Variants in DCC observed in about 807,000 individuals in gnomAD.
DCC encodes DCC netrin 1 receptor, also known as netrin receptor DCC.
In DCC, 58 loss-of-function variants were observed where a neutral mutation model predicts 172.5. The observed-to-expected ratio is 0.34, with a 90% CI of 0.27 to 0.42. DCC has a LOEUF of 0.42. Among genes scored for constraint, DCC ranks in the 10% least tolerant of loss-of-function variants. The probability of loss-of-function intolerance (pLI) is 1.00; values close to 1 mark genes in which losing one functional copy is unlikely to be tolerated. For missense variants in DCC, 1,740 were observed against 1,791.0 expected (o/e 0.97, Z 0.51); for synonymous variants, 709 against 644.5 (o/e 1.10, Z -1.52).
chr18:53,014,279 G>A (rs1181070250), intron 5 of DCC, among the ~76,000 whole-genome samples: 1 of 152,098 alleles, frequency 6.6e-6, no homozygotes, highest in Non-Finnish European at 1.5e-5. Context: ...GGAACATATG[G>A]ATAATTATTT....
chr18:52,638,322 T>G (rs2034821699), intron 1 of DCC, among the ~76,000 whole-genome samples: 1 of 151,756 alleles, frequency 6.6e-6, no homozygotes, highest in African/African-American at 2.4e-5. Context: ...GCATGATGAA[T>G]GCAATGGTAC....
At chr18:52,861,752 C>T (rs938503319) in intron 2 of DCC, among the ~76,000 whole-genome samples, 23 of 152,094 alleles carry the variant, frequency 1.5e-4, no homozygotes, top group South Asian at 2.1e-4. Flanking sequence ...TTTATGATTA[C>T]GTCAGCTTTT....
chr18:52,931,528 T>C (rs2145503150), intron 5 of DCC, among the ~76,000 whole-genome samples: 1 of 152,248 alleles, frequency 6.6e-6, no homozygotes, highest in East Asian at 1.9e-4. Context: ...AATATCATTT[T>C]ATAGACTAGA....
intron 7 of DCC, among the ~76,000 whole-genome samples, chr18:53,145,330 G>T (rs1237832822): frequency 7.2e-5 from 11 of 152,052 alleles, no homozygotes; most frequent in African/African-American, 2.2e-4. Context: ...AGCTAGGATG[G>T]TCTAGATCTC....
chr18:52,614,817 C>T (rs2034349733), intron 1 of DCC, among the ~76,000 whole-genome samples: 1 of 152,022 alleles, frequency 6.6e-6, no homozygotes, highest in East Asian at 1.9e-4. Context: ...TATAATGTAT[C>T]CTCAGCTGAT....
At chr18:52,943,904 G>T (rs574809324) in intron 5 of DCC, among the ~76,000 whole-genome samples, 1 of 151,946 alleles carries the variant, frequency 6.6e-6, no homozygotes, top group South Asian at 2.1e-4. Context: ...TGCCTGCCAC[G>T]ACAACCGGCT....
At chr18:52,962,700 C>A (rs2040862326) in intron 5 of DCC, among the ~76,000 whole-genome samples, 2 of 151,690 alleles carry the variant, frequency 1.3e-5, no homozygotes, top group Admixed American at 1.3e-4. Context: ...GACTTGGAAC[C>A]AACCCAAATG....
chr18:53,059,869 T>C (rs2042469452), intron 5 of DCC, among the ~76,000 whole-genome samples: 2 of 152,160 alleles, frequency 1.3e-5, no homozygotes, highest in South Asian at 2.1e-4. Context: ...TTGTTGAGCA[T>C]GTACTAAGGA....
chr18:53,253,704 G>C (rs186167526), intron 12 of DCC, among the ~76,000 whole-genome samples: 3 of 152,172 alleles, frequency 2.0e-5, no homozygotes, highest in South Asian at 2.1e-4. Context: ...CTCAAAGCCA[G>C]CTTGGTAGCA....
At chr18:52,737,949 G>C (rs1858669895) in intron 1 of DCC, among the ~76,000 whole-genome samples, 1 of 152,102 alleles carries the variant, frequency 6.6e-6, no homozygotes, top group African/African-American at 2.4e-5. Context: ...CCTCAGAACA[G>C]GGTCATCAGA....
chr18:52,424,428 A>G (rs920312912), intron 1 of DCC, among the ~76,000 whole-genome samples: 1 of 152,094 alleles, frequency 6.6e-6, no homozygotes, highest in African/African-American at 2.4e-5. Context: ...CTTCTTCCCT[A>G]AGGGACAAAG....
At chr18:53,527,719 G>T (rs531970956) in intron 28 of DCC, among the ~76,000 whole-genome samples, 2 of 151,710 alleles carry the variant, frequency 1.3e-5, no homozygotes, top group South Asian at 2.1e-4. Flanking sequence ...CATTTATCCC[G>T]AAAATGCACT....
At chr18:53,023,292 C>G (rs1199650693) in intron 5 of DCC, among the ~76,000 whole-genome samples, 1 of 146,202 alleles carries the variant, frequency 6.8e-6, no homozygotes, top group South Asian at 2.2e-4. Context: ...TCGACTGTTT[C>G]TAAAGAAATG....
intron 5 of DCC, among the ~76,000 whole-genome samples, chr18:53,060,078 A>AC (rs141807835): frequency 0.1 from 15,774 of 151,990 alleles, 950 homozygotes; most frequent in Non-Finnish European, 0.13. Flanking sequence ...ATAGCGGCTC[A>AC]CTGCAAACTC....
chr18:52,403,372 T>C (rs764841845), intron 1 of DCC, among the ~76,000 whole-genome samples: 1 of 151,972 alleles, frequency 6.6e-6, no homozygotes, highest in Non-Finnish European at 1.5e-5. Flanking sequence ...TTTGGTGGTT[T>C]CAAGTCTTTC....
At chr18:53,110,665 C>T (rs1318548152) in intron 7 of DCC, among the ~76,000 whole-genome samples, 4 of 148,002 alleles carry the variant, frequency 2.7e-5, no homozygotes, top group Non-Finnish European at 6.0e-5. Flanking sequence ...CCATCACTGG[C>T]CATCAGAGAA....
At chr18:52,380,383 A>C (rs907089170) in intron 1 of DCC, among the ~76,000 whole-genome samples, 10 of 152,142 alleles carry the variant, frequency 6.6e-5, no homozygotes, top group African/African-American at 1.9e-4. Flanking sequence ...TTAGTATACC[A>C]TCTTACCAGT....
At chr18:52,844,387 G>A (rs1210489205) in intron 2 of DCC, among the ~76,000 whole-genome samples, 1 of 152,104 alleles carries the variant, frequency 6.6e-6, no homozygotes, top group African/African-American at 2.4e-5. Context: ...CACTCTTTAA[G>A]AGGGTTAACC....
At chr18:52,655,899 A>G (rs1393372964) in intron 1 of DCC, among the ~76,000 whole-genome samples, 1 of 151,596 alleles carries the variant, frequency 6.6e-6, no homozygotes, top group East Asian at 1.9e-4. Context: ...TTGGATAGCT[A>G]ATGAATTGCC....
Sources: gnomAD v4.1 joint callset for allele counts (sites outside exome capture counted in the v4.1 genomes callset) on GRCh38, gnomAD v4.1.1 for gene constraint, MANE v1.5 for transcripts, NCBI Gene and HGNC (gene_info 2026-07-23, HGNC 2026-07-21) for gene names.